KCNIP4: variants seen among roughly 807,000 people sequenced by gnomAD.
KCNIP4 encodes the protein potassium voltage-gated channel interacting protein 4.
KCNIP4 carries 12 observed loss-of-function variants against 34.0 expected under a neutral mutation model. The observed-to-expected ratio is 0.35, with a 90% confidence interval of 0.23 to 0.57. The LOEUF (loss-of-function observed/expected upper bound fraction) is 0.57, where lower values mean the gene tolerates loss of function less well. Among genes scored for constraint, KCNIP4 ranks in the 20% least tolerant of loss-of-function variants. The probability of loss-of-function intolerance (pLI) is 0.83; values close to 1 mark genes in which losing one functional copy is unlikely to be tolerated. For synonymous variants in KCNIP4, 124 were observed against 102.2 expected (o/e 1.21, Z -1.29); for missense variants, 238 against 311.7 (o/e 0.76, Z 1.78).
chr4:21,270,875 A>G (rs187538722), intron 1 of KCNIP4, among the ~76,000 whole-genome samples: 372 of 151,256 alleles, frequency 2.5e-3, no homozygotes, highest in African/African-American at 8.5e-3. Flanking sequence ...AGTTACAGCT[A>G]TTCAGGGGGC....
intron 3 of KCNIP4, among the ~76,000 whole-genome samples, chr4:20,766,319 A>G (rs1755408689): frequency 1.3e-5 from 2 of 152,178 alleles, no homozygotes; most frequent in African/African-American, 2.4e-5. Flanking sequence ...CTGTAATCCC[A>G]GTACTTTGGG....
chr4:21,131,005 A>G (rs1751026746), intron 1 of KCNIP4, among the ~76,000 whole-genome samples: 1 of 152,138 alleles, frequency 6.6e-6, no homozygotes, highest in Non-Finnish European at 1.5e-5. Flanking sequence ...TGGGATTATA[A>G]CCCCCAAAAG....
intron 1 of KCNIP4, among the ~76,000 whole-genome samples, chr4:21,788,231 T>C (rs1422395087): frequency 6.6e-6 from 1 of 152,054 alleles, no homozygotes; most frequent in Non-Finnish European, 1.5e-5. Flanking sequence ...TTAGAGATTA[T>C]TAAGCAATGG....
intron 1 of KCNIP4, among the ~76,000 whole-genome samples, chr4:21,944,820 C>A (rs1039796334): frequency 1.3e-5 from 2 of 150,804 alleles, no homozygotes; most frequent in Non-Finnish European, 2.9e-5. Flanking sequence ...TGAGAAAAGT[C>A]CCTCAGGACC....
chr4:21,720,056 A>G (rs1381953456), intron 1 of KCNIP4, among the ~76,000 whole-genome samples: 1 of 137,510 alleles, frequency 7.3e-6, no homozygotes, highest in African/African-American at 2.5e-5. Flanking sequence ...AAGAGGAAAA[A>G]GAAGAAGAAG....
intron 1 of KCNIP4, among the ~76,000 whole-genome samples, chr4:21,647,774 G>C (rs1301818727): frequency 6.8e-6 from 1 of 147,318 alleles, no homozygotes; most frequent in Non-Finnish European, 1.5e-5. Flanking sequence ...CTCAACTTAC[G>C]TACCCCACTC....
chr4:21,776,545 C>T (rs1719194524), intron 1 of KCNIP4, among the ~76,000 whole-genome samples: 1 of 152,134 alleles, frequency 6.6e-6, no homozygotes, highest in African/African-American at 2.4e-5. Flanking sequence ...TTTATCCTTT[C>T]CTAAGTTTCC....
At chr4:20,992,185 C>A (rs61494112) in intron 1 of KCNIP4, among the ~76,000 whole-genome samples, 10 of 152,114 alleles carry the variant, frequency 6.6e-5, no homozygotes. Context: ...ACTCACACTT[C>A]CTCATTGCTG....
At chr4:21,760,447 C>A (rs867987984) in intron 1 of KCNIP4, among the ~76,000 whole-genome samples, 1 of 22,486 alleles carries the variant, frequency 4.4e-5, no homozygotes, top group Non-Finnish European at 1.1e-4. Context: ...GATACATGTT[C>A]ATGTTTTTAT....
chr4:21,898,594 C>A (rs1470201666), intron 1 of KCNIP4, among the ~76,000 whole-genome samples: 1 of 152,128 alleles, frequency 6.6e-6, no homozygotes, highest in Non-Finnish European at 1.5e-5. Context: ...GATTCATCAC[C>A]TGCTGACTAA....
At chr4:21,733,389 TAGA>T (rs1436050152) in intron 1 of KCNIP4, among the ~76,000 whole-genome samples, 1 of 152,158 alleles carries the variant, frequency 6.6e-6, no homozygotes, top group Non-Finnish European at 1.5e-5. Context: ...ACAAATTTAA[TAGA>T]AGAATATGTT....
intron 1 of KCNIP4, among the ~76,000 whole-genome samples, chr4:21,283,675 A>T (rs1328386498): frequency 1.4e-4 from 21 of 147,362 alleles, no homozygotes; most frequent in African/African-American, 5.2e-4. Flanking sequence ...GGGGAGGGAT[A>T]GCATTAGGAG....
intron 1 of KCNIP4, among the ~76,000 whole-genome samples, chr4:21,046,788 T>C (rs55877631): frequency 0.044 from 6,654 of 152,142 alleles, 223 homozygotes; most frequent in East Asian, 0.14. Context: ...ATGGGGTTTC[T>C]CCATGCTGGT....
At chr4:21,428,171 C>A (rs1726098175) in intron 1 of KCNIP4, among the ~76,000 whole-genome samples, 1 of 151,946 alleles carries the variant, frequency 6.6e-6, no homozygotes. Flanking sequence ...GATGGTAAAA[C>A]AAAACAATGA....
chr4:21,773,767 G>GTTTTTTTTTTTGTTTTT (rs373554454), intron 1 of KCNIP4, among the ~76,000 whole-genome samples: 7 of 138,282 alleles, frequency 5.1e-5, no homozygotes, highest in African/African-American at 2.1e-4. Context: ...TTGTTTGTTT[G>GTTTTTTTTTTTGTTTTT]TTTTTGTTTT....
chr4:21,021,039 A>C (rs1739986904), intron 1 of KCNIP4, among the ~76,000 whole-genome samples: 1 of 152,206 alleles, frequency 6.6e-6, no homozygotes, highest in Non-Finnish European at 1.5e-5. Context: ...GTACTTCCGC[A>C]AACCTAGAAG....
At chr4:21,443,152 G>A (rs1257829683) in intron 1 of KCNIP4, among the ~76,000 whole-genome samples, 1 of 152,104 alleles carries the variant, frequency 6.6e-6, no homozygotes, top group Non-Finnish European at 1.5e-5. Context: ...TCTCTAATCT[G>A]TATCATTGAA....
intron 1 of KCNIP4, among the ~76,000 whole-genome samples, chr4:21,511,434 T>C (rs755969337): frequency 1.2e-4 from 19 of 152,098 alleles, no homozygotes; most frequent in Non-Finnish European, 1.5e-4. Context: ...TGAAAATAGA[T>C]AAATAACAAT....
chr4:21,729,486 G>A (rs17562552), intron 1 of KCNIP4, among the ~76,000 whole-genome samples: 7,300 of 152,208 alleles, frequency 0.048, 246 homozygotes, highest in Non-Finnish European at 0.07. Flanking sequence ...CTTCTGTGAC[G>A]AGAATTTCAC....
Sources: allele counts gnomAD v4.1 joint callset (sites outside exome capture counted in the v4.1 genomes callset), GRCh38; gene constraint gnomAD v4.1.1; transcripts MANE v1.5; gene names NCBI Gene and HGNC (gene_info 2026-07-23, HGNC 2026-07-21).